Variants in CEP85L observed in about 807,000 individuals in gnomAD.
The protein encoded by CEP85L is centrosomal protein 85L, also known as centrosomal protein of 85 kDa-like.
Under a neutral mutation model 100.3 loss-of-function variants are expected in CEP85L, and 60 were observed. That is an observed-to-expected ratio of 0.60 (90% CI 0.49 to 0.74). The LOEUF (loss-of-function observed/expected upper bound fraction) is 0.74, where lower values mean the gene tolerates loss of function less well. CEP85L is among the 30% of genes least tolerant of loss of function. The pLI is 0.00. For missense variants in CEP85L, 973 were observed against 936.2 expected (o/e 1.04, Z -0.51); for synonymous variants, 319 against 322.7 (o/e 0.99, Z 0.12).
At chr6:118,641,828 GAAAA>G (rs11289822) in intron 1 of CEP85L, among the ~76,000 whole-genome samples, 1 of 149,604 alleles carries the variant, frequency 6.7e-6, no homozygotes, top group African/African-American at 2.5e-5. Context: ...TTTTGCAAGA[GAAAA>G]AAAAAAAATT....
chr6:118,477,978 A>G (rs1773508995), intron 10 of CEP85L, among the ~76,000 whole-genome samples: 1 of 152,150 alleles, frequency 6.6e-6, no homozygotes, highest in Non-Finnish European at 1.5e-5. Context: ...AGGACATCAT[A>G]ATCTACATAG....
chr6:118,488,451 A>C (rs1774338872), intron 6 of CEP85L, among the ~76,000 whole-genome samples: 1 of 152,054 alleles, frequency 6.6e-6, no homozygotes, highest in Non-Finnish European at 1.5e-5. Flanking sequence ...GAAATAAACA[A>C]ACTCAAACAC....
chr6:118,645,774 A>G (rs1360056930), intron 1 of CEP85L, among the ~76,000 whole-genome samples: 1 of 152,254 alleles, frequency 6.6e-6, no homozygotes, highest in Admixed American at 6.5e-5. Context: ...TTGTTCAATG[A>G]TGTATCCCCA....
At chr6:118,670,957 TAA>T (rs66483063) in intron 1 of CEP85L, among the ~76,000 whole-genome samples, 15 of 144,896 alleles carry the variant, frequency 1.0e-4, no homozygotes, top group African/African-American at 3.0e-4. Context: ...CTTTTTTATG[TAA>T]AAAAAAAAAA....
intron 2 of CEP85L, among the ~76,000 whole-genome samples, chr6:118,610,750 A>G (rs1280720217): frequency 6.6e-6 from 1 of 152,202 alleles, no homozygotes; most frequent in Non-Finnish European, 1.5e-5. Context: ...GAAAAAAAAT[A>G]TTGAAATCAG....
rs764774961 is a variant in CEP85L, at chr6:118,566,262, G to A, written c.287C>T (p.Thr96Ile). The change falls in exon 3 of 13, where the codon ACT (threonine) becomes ATT (isoleucine). Residue 96 changes from threonine (T) to isoleucine (I), a missense_variant. Coordinates refer to ENST00000368491, the MANE Select transcript of CEP85L (RefSeq NM_001042475.3). ...CGGCATCACATGGGCAGTAGGAAGA[G>A]TAATCAATGATTGACTAGGCTTAAA... ...LSFKPSQSLI[T>I]LPTAHVMPSN... is the part of the protein sequence containing the mutation. 2.0e-5 allele frequency: 32 copies of A among 1,614,100 alleles called. No individual in the cohort carries two copies. Among genetic ancestry groups the A allele is most frequent in the Non-Finnish European group, 2.4e-5 (28 of 1,179,970 alleles).
At chr6:118,526,739 T>C (rs368762635) in intron 3 of CEP85L, among the ~76,000 whole-genome samples, 19 of 152,322 alleles carry the variant, frequency 1.2e-4, no homozygotes, top group African/African-American at 4.6e-4. Context: ...ATGCTAATCA[T>C]AATACATTAG....
In CEP85L at chr6:118,523,839, CTTT is replaced by C; in HGVS notation, c.1099_1101del (p.Lys367del). On this transcript the variant is annotated inframe_deletion, in exon 4 of 13. Coordinates refer to ENST00000368491, the MANE Select transcript of CEP85L (RefSeq NM_001042475.3). ...ATTTCTTTCTGCCTTAGAAGTCCTT[CTTT>C]TATTTTCAACATTGATTCCCACTTA... 6.3e-7 allele frequency: 1 copy of C among 1,599,702 alleles called. No homozygotes were observed. Among genetic ancestry groups the C allele is most frequent in the South Asian group, 1.1e-5 (1 of 90,468 alleles).
rs900087913 is a variant in CEP85L at position 118,672,374 on chromosome 6, AT to A, written c.-27-19567del. On this transcript the variant is annotated intron_variant, in intron 1 of 13. Transcript: ENST00000368488. ...ATTATTCTTTTAATTATTAAAGTTA[AT>A]TTTTTTTAATATTTGTTGAATATTG... Among the ~76,000 whole-genome samples the A allele has an allele frequency of 1.3e-3, 196 of 152,104 alleles. 1 individual carries two copies. Among genetic ancestry groups the A allele is most frequent in the African/African-American group, 4.2e-3 (176 of 41,530 alleles).
chr6:118,662,486 C>T (rs1051200576), intron 1 of CEP85L, among the ~76,000 whole-genome samples: 3 of 150,966 alleles, frequency 2.0e-5, no homozygotes, highest in African/African-American at 4.9e-5. Context: ...GCCGAGATCG[C>T]GCCACTGCAT....
upstream of CEP85L, among the ~76,000 whole-genome samples, chr6:118,654,957 A>G (rs182694906): frequency 6.6e-6 from 1 of 152,358 alleles, no homozygotes; most frequent in East Asian, 1.9e-4. Context: ...ATGATAATTT[A>G]TATACATGTA....
At chr6:118,645,951 G>T (rs1775156681) in intron 1 of CEP85L, among the ~76,000 whole-genome samples, 1 of 152,192 alleles carries the variant, frequency 6.6e-6, no homozygotes, top group African/African-American at 2.4e-5. Flanking sequence ...CAGGCGTGGT[G>T]GCTCACGCCT....
chr6:118,688,507 T>C (rs946332955), intron 1 of CEP85L, among the ~76,000 whole-genome samples: 5 of 152,268 alleles, frequency 3.3e-5, no homozygotes, highest in Non-Finnish European at 5.9e-5. Context: ...TTCTATACTT[T>C]ATCCCTAGAA....
intron 3 of CEP85L, among the ~76,000 whole-genome samples, chr6:118,527,002 C>CTTTTTTTTTTTTTTTTTTT (rs764883723): frequency 4.1e-5 from 4 of 98,710 alleles, no homozygotes; most frequent in African/African-American, 4.1e-5. Context: ...TTTACTTTTT[C>CTTTTTTTTTTTTTTTTTTT]TTTTTTTTTT....
intron 5 of CEP85L, among the ~76,000 whole-genome samples, chr6:118,492,622 A>C (rs1287637636): frequency 6.6e-6 from 1 of 152,164 alleles, no homozygotes; most frequent in African/African-American, 2.4e-5. Context: ...AAGTGCTGTA[A>C]AAAGATATCA....
intron 2 of CEP85L, among the ~76,000 whole-genome samples, chr6:118,583,210 C>T (rs1319938298): frequency 6.6e-6 from 1 of 152,132 alleles, no homozygotes; most frequent in Non-Finnish European, 1.5e-5. Context: ...GGCTTAAACC[C>T]CCGGCTCCAG....
chr6:118,634,658 C>T (rs936296064), intron 1 of CEP85L, among the ~76,000 whole-genome samples: 2 of 146,434 alleles, frequency 1.4e-5, no homozygotes, highest in African/African-American at 5.0e-5. Context: ...CATTAAAGCA[C>T]CAGAAGAAGG....
intron 6 of CEP85L, among the ~76,000 whole-genome samples, chr6:118,485,020 T>C (rs1218231209): frequency 6.6e-6 from 1 of 152,238 alleles, no homozygotes; most frequent in South Asian, 2.1e-4. Flanking sequence ...CGAACACTTA[T>C]GTCACACATG....
chr6:118,544,707 G>C (rs2114896956), intron 3 of CEP85L, among the ~76,000 whole-genome samples: 1 of 152,084 alleles, frequency 6.6e-6, no homozygotes, highest in South Asian at 2.1e-4. Flanking sequence ...AAAATGTTTG[G>C]GTCTCCAGGT....
Sources: allele counts gnomAD v4.1 joint callset (sites outside exome capture counted in the v4.1 genomes callset), GRCh38; gene constraint gnomAD v4.1.1; transcripts MANE v1.5; gene names NCBI Gene and HGNC (gene_info 2026-07-23, HGNC 2026-07-21).